FKBP9: variants seen among roughly 807,000 people sequenced by gnomAD.
FKBP9 encodes FKBP prolyl isomerase 9.
FKBP9 carries 27 observed loss-of-function variants against 55.6 expected under a neutral mutation model. The observed-to-expected ratio is 0.49, with a 90% CI of 0.36 to 0.67. The LOEUF (loss-of-function observed/expected upper bound fraction) is 0.67. Among genes scored for constraint, FKBP9 ranks in the 30% least tolerant of loss-of-function variants. FKBP9 has a pLI of 0.00. For missense variants in FKBP9, 539 were observed against 742.8 expected (o/e 0.73, Z 3.19); for synonymous variants, 267 against 296.5 (o/e 0.90, Z 1.02).
At chr7:32,976,275 G>T in intron 3 of FKBP9, 79 bp from the exon 4 acceptor site, 1 of 1,568,928 alleles carries the variant, frequency 6.4e-7, no homozygotes. Flanking sequence ...TGATATTTGG[G>T]TAAGAAAAAC....
chr7:32,994,239 C>G (rs964480689), intron 6 of FKBP9, among the ~76,000 whole-genome samples: 4 of 152,108 alleles, frequency 2.6e-5, no homozygotes, highest in Non-Finnish European at 4.4e-5. Flanking sequence ...CTCTCCGTAC[C>G]CTGTCCTCAT....
At chr7:32,964,541 GCTATGAATGGAGGCGTT>G (rs1171417472) in intron 1 of FKBP9, among the ~76,000 whole-genome samples, 3 of 152,200 alleles carry the variant, frequency 2.0e-5, no homozygotes, top group African/African-American at 7.2e-5. Context: ...TCTCTGAGGA[GCTATGAATGGAGGCGTT>G]CTCTTTCATT....
chr7:32,986,567 G>GGTGCT (rs1441315200), intron 5 of FKBP9, among the ~76,000 whole-genome samples: 5 of 152,346 alleles, frequency 3.3e-5, no homozygotes, highest in African/African-American at 1.2e-4. Flanking sequence ...CTCAGCGTGG[G>GGTGCT]GTGCTGTTCT....
intron 1 of FKBP9, among the ~76,000 whole-genome samples, chr7:32,964,431 C>G (rs1784092820): frequency 6.6e-6 from 1 of 152,220 alleles, no homozygotes; most frequent in Admixed American, 6.5e-5. Context: ...AAATCCATAA[C>G]AGCAATGGAT....
At chr7:33,001,788 T>A (rs1284239092) in intron 8 of FKBP9, among the ~76,000 whole-genome samples, 2 of 152,166 alleles carry the variant, frequency 1.3e-5, no homozygotes, top group African/African-American at 2.4e-5. Context: ...ATTCTAAAAG[T>A]TCTGCTGTTA....
chr7:32,966,590 C>T (rs1709133971), intron 1 of FKBP9, among the ~76,000 whole-genome samples: 1 of 152,140 alleles, frequency 6.6e-6, no homozygotes, highest in South Asian at 2.1e-4. Context: ...TGGTTGGGTT[C>T]AGCCATTGGG....
intron 1 of FKBP9, among the ~76,000 whole-genome samples, chr7:32,968,045 G>A (rs1175802613): frequency 3.3e-5 from 5 of 152,128 alleles, no homozygotes; most frequent in Admixed American, 6.5e-5. Context: ...GTGAGCCACC[G>A]CGCCCAGCTT....
At chr7:33,003,986 C>T (rs1245770184) in intron 9 of FKBP9, among the ~76,000 whole-genome samples, 8 of 151,970 alleles carry the variant, frequency 5.3e-5, no homozygotes, top group Admixed American at 6.6e-5. Flanking sequence ...CCGCACACCC[C>T]GCTTGGGGCC....
chr7:32,990,305 G>A (rs1449384278), intron 6 of FKBP9, among the ~76,000 whole-genome samples: 1 of 152,186 alleles, frequency 6.6e-6, no homozygotes, highest in Non-Finnish European at 1.5e-5. Flanking sequence ...AGATACAGAA[G>A]GAGGACCCTG....
At chr7:32,997,041 G>A (rs1377179652) in intron 7 of FKBP9, among the ~76,000 whole-genome samples, 10 of 151,408 alleles carry the variant, frequency 6.6e-5, no homozygotes, top group Non-Finnish European at 1.3e-4. Context: ...TGATCCACCC[G>A]CCTCGGCCTC....
intron 3 of FKBP9, 121 bp downstream of exon 3, chr7:32,975,492 C>T: frequency 1.3e-6 from 1 of 753,796 alleles, no homozygotes; most frequent in Non-Finnish European, 2.1e-6. Flanking sequence ...CAACTGTAAT[C>T]AGTACTGAAC....
intron 1 of FKBP9, among the ~76,000 whole-genome samples, chr7:32,958,109 G>A (rs1783942249): frequency 6.6e-6 from 1 of 152,224 alleles, no homozygotes; most frequent in Non-Finnish European, 1.5e-5. Context: ...ATCAGTGTAA[G>A]TGGAGGCCAC....
intron 4 of FKBP9, 111 bp downstream of exon 4, chr7:32,976,610 A>G: frequency 5.6e-6 from 8 of 1,436,640 alleles, no homozygotes; most frequent in Non-Finnish European, 7.5e-6. Flanking sequence ...CTAGACCTAC[A>G]CTGGCCAATA....
At position 32,988,645 on chromosome 7, in the gene FKBP9, A is replaced by C. The variant is rs759574063; in HGVS notation, c.1032A>C (p.Glu344Asp). ...VVPPHLGYGE[E>D]GRGNIPGSAV... Reference sequence around the variant, plus strand: ...CGCCTCACCTGGGGTATGGAGAGGAAGGAAGAGGTGAGCATCAGCATCACC... The same window carrying C: ...CGCCTCACCTGGGGTATGGAGAGGACGGAAGAGGTGAGCATCAGCATCACC... The change falls in exon 6 of 10, where the codon GAA becomes GAC. Residue 344 changes from glutamate (E) to aspartate (D), a missense_variant. This residue lies in a region of FKBP9 where 172 missense variants were observed against 205.3 expected (regional missense o/e 0.84). Transcript: ENST00000242209. The C allele has an allele frequency of 3.1e-6, 5 of 1,613,958 alleles. No individual in the cohort carries two copies. The highest frequency in any genetic ancestry group is 4.2e-6 in the Non-Finnish European group (5 of 1,179,834).
At chr7:32,967,413 A>G (rs1784166433) in intron 1 of FKBP9, among the ~76,000 whole-genome samples, 1 of 152,202 alleles carries the variant, frequency 6.6e-6, no homozygotes, top group African/African-American at 2.4e-5. Flanking sequence ...TGATAACAAC[A>G]TTCCACTTTC....
chr7:32,992,479 C>T (rs1258818782), intron 6 of FKBP9, among the ~76,000 whole-genome samples: 1 of 152,230 alleles, frequency 6.6e-6, no homozygotes, highest in Non-Finnish European at 1.5e-5. Context: ...AGGGAGGCAT[C>T]CTCATGGTGA....
intron 1 of FKBP9, among the ~76,000 whole-genome samples, chr7:32,964,163 C>T (rs1352716103): frequency 2.6e-5 from 4 of 152,200 alleles, no homozygotes; most frequent in Non-Finnish European, 5.9e-5. Flanking sequence ...TAGCCCTGTG[C>T]GTTTCTGCTA....
chr7:32,976,014 C>A (rs1046276571), intron 3 of FKBP9, among the ~76,000 whole-genome samples: 1 of 152,052 alleles, frequency 6.6e-6, no homozygotes, highest in Admixed American at 6.6e-5. Flanking sequence ...CCCATGGAAG[C>A]AAGAGGGAAA....
intron 1 of FKBP9, among the ~76,000 whole-genome samples, chr7:32,974,042 C>T (rs771044253): frequency 2.3e-4 from 35 of 151,572 alleles, no homozygotes; most frequent in Non-Finnish European, 4.7e-4. Context: ...GAGACTCTGT[C>T]GCCCAGGCTG....
Sources: gnomAD v4.1 joint callset for allele counts (sites outside exome capture counted in the v4.1 genomes callset) on GRCh38, gnomAD v4.1.1 for gene constraint, gnomAD v4.1.1 regional missense constraint, MANE v1.5 for transcripts, NCBI Gene and HGNC (gene_info 2026-07-23, HGNC 2026-07-21) for gene names.